The following BSPH1 variants were observed in gnomAD, a reference collection of about 807,000 sequenced individuals.
The protein encoded by BSPH1 is binder of sperm 1.
BSPH1 carries 21 observed loss-of-function variants against 22.5 expected under a neutral mutation model. That is an observed-to-expected ratio of 0.93 (90% CI 0.66 to 1.35). The LOEUF is 1.35. Ranked by LOEUF, BSPH1 falls within the 40% of genes most tolerant of loss-of-function variation. BSPH1 has a pLI of 0.00. For missense variants in BSPH1, 141 were observed against 154.2 expected, an observed-to-expected ratio of 0.91 and a Z score of 0.45; for synonymous variants, 42 against 53.6, an observed-to-expected ratio of 0.78 and a Z score of 0.95.
At chr19:47,977,955 T>C (rs1969381599) in intron 3 of BSPH1, among the ~76,000 whole-genome samples, 1 of 147,620 alleles carries the variant, frequency 6.8e-6, no homozygotes, top group South Asian at 2.1e-4. Context: ...TATATATACT[T>C]ATATATGTTA....
At chr19:47,974,067 A>G (rs1969336731) in intron 5 of BSPH1, among the ~76,000 whole-genome samples, 1 of 152,038 alleles carries the variant, frequency 6.6e-6, no homozygotes, top group African/African-American at 2.4e-5. Flanking sequence ...CATGTTCCCC[A>G]GCCATGCTGA....
At position 47,992,053 on chromosome 19, in the gene BSPH1, T is replaced by C; in HGVS notation, c.29A>G (p.Glu10Gly). Residue 10 changes from glutamate to glycine, a missense_variant, in exon 1 of 6, where the codon GAA becomes GGA. By Grantham distance (98) the Glu-to-Gly change is moderately conservative. Transcript: ENST00000344839. ...GCAAGCTGAGGAATTTCGCGTCGTT[T>C]CCACGAAGAGAAGCATCAGGGAGCC... MGSLMLLFV[E>G]TTRNSSACIF... The C allele has an allele frequency of 6.4e-7, 1 of 1,551,416 alleles. No individual in the cohort carries two copies. The highest frequency in any genetic ancestry group is 8.7e-7 in the Non-Finnish European group (1 of 1,146,724).
At chr19:47,989,110 TTTATTATTATTATTATTA>T (rs199985003) in intron 1 of BSPH1, among the ~76,000 whole-genome samples, 13,820 of 138,288 alleles carry the variant, frequency 0.1, 909 homozygotes, top group East Asian at 0.34. Context: ...AAGTCACCGT[TTTATTATTATTATTATTA>T]TTATTATTAT....
chr19:47,991,195 GCGCCGACCACAC>G (rs1294958976), intron 1 of BSPH1, among the ~76,000 whole-genome samples: 4 of 152,048 alleles, frequency 2.6e-5, no homozygotes, highest in Non-Finnish European at 5.9e-5. Context: ...GTTAAATACA[GCGCCGACCACAC>G]CACCGACCAC....
At chr19:47,985,725 C>A (rs970639095) in intron 1 of BSPH1, among the ~76,000 whole-genome samples, 1 of 151,836 alleles carries the variant, frequency 6.6e-6, no homozygotes, top group African/African-American at 2.4e-5. Context: ...ATCCCAGCTA[C>A]TGAGGCAGCT....
chr19:47,975,924 G>A (rs1217037503), intron 5 of BSPH1, among the ~76,000 whole-genome samples: 1 of 152,112 alleles, frequency 6.6e-6, no homozygotes, highest in African/African-American at 2.4e-5. Context: ...CAAAGTGCTG[G>A]GATTACAGGC....
intron 5 of BSPH1, 37 bp downstream of exon 5, chr19:47,976,673 T>C (rs1436973848): frequency 1.3e-6 from 2 of 1,533,254 alleles, no homozygotes; most frequent in African/African-American, 1.4e-5. Flanking sequence ...AGGAGAATGA[T>C]TAAACGTCTT....
At chr19:47,991,824 TCTCTTCCTCCTCTTCC>T (rs1966875468) in intron 1 of BSPH1, among the ~76,000 whole-genome samples, 169 bp downstream of exon 1, 1 of 68,606 alleles carries the variant, frequency 1.5e-5, no homozygotes, top group South Asian at 5.8e-4. Flanking sequence ...TCCTCCTTCC[TCTCTTCCTCCTCTTCC>T]CTCTTCCACC....
chr19:47,973,943 C>A (rs564962216), intron 5 of BSPH1, among the ~76,000 whole-genome samples: 135 of 152,298 alleles, frequency 8.9e-4, no homozygotes, highest in African/African-American at 3.2e-3. Context: ...TTCTCCCACA[C>A]CCACCAAACA....
rs569601309 is a variant in BSPH1 at position 47,984,981 on chromosome 19, C to T, written c.74-4040G>A. 4.0e-5 allele frequency among the ~76,000 whole-genome samples: 6 copies of T among 150,072 alleles called. 1 individual carries two copies. The highest frequency in any genetic ancestry group is 1.2e-4 in the African/African-American group (5 of 40,720). ...ACTCAGGAGGCTGAGGCAGGAGAAT[C>T]GCTTGAACCTGGGAGGCAGAGGTTG... On this transcript the variant is annotated intron_variant, in intron 1 of 5. Transcript: ENST00000344839.
chr19:47,991,669 C>T lies in BSPH1; in HGVS notation c.73+340G>A, dbSNP rs1233447983. ...CCTCCTCCTCCGTCTGCTCCTCCTCCCCCTCCTCCTCTTCCTTCTCTTTCT... is the reference window on the plus strand; with the variant it reads ...CCTCCTCCTCCGTCTGCTCCTCCTCTCCCTCCTCCTCTTCCTTCTCTTTCT... On this transcript the variant is annotated intron_variant, in intron 1 of 5. Transcript: ENST00000344839. Among the ~76,000 whole-genome samples, 8 of 112,354 alleles carry T rather than the reference C, an allele frequency of 7.1e-5. 1 individual carries two copies. The highest frequency in any genetic ancestry group is 2.6e-4 in the African/African-American group (8 of 30,964). 73.7% of individuals were successfully genotyped at this position (112,354 alleles called of 152,430 possible). A position where few individuals can be genotyped will look rare whatever the true frequency, so the allele number is the denominator to read the frequency against.
chr19:47,988,516 G>C (rs1490284743), intron 1 of BSPH1, among the ~76,000 whole-genome samples: 3 of 152,212 alleles, frequency 2.0e-5, no homozygotes, highest in African/African-American at 7.2e-5. Flanking sequence ...GAGTGGGACA[G>C]AGGAGGCGAG....
At chr19:47,986,369 A>G (rs1420637431) in intron 1 of BSPH1, among the ~76,000 whole-genome samples, 6 of 152,198 alleles carry the variant, frequency 3.9e-5, no homozygotes. Flanking sequence ...CTTGGGTACC[A>G]AACCATGGGA....
intron 5 of BSPH1, among the ~76,000 whole-genome samples, chr19:47,975,232 T>C (rs1397203170): frequency 6.6e-6 from 1 of 152,212 alleles, no homozygotes; most frequent in East Asian, 1.9e-4. Flanking sequence ...GGTCTTGCTA[T>C]GTTGCCCAGG....
chr19:47,977,772 T>G, intron 3 of BSPH1: 2 of 675,070 alleles, frequency 3.0e-6, no homozygotes, highest in Non-Finnish European at 3.7e-6. Flanking sequence ...CAGAAATCTC[T>G]CCTAAGCGTA....
chr19:47,973,058 A>C lies in BSPH1; in HGVS notation c.*2+3652T>G, dbSNP rs542430157. 3.4e-3 allele frequency among the ~76,000 whole-genome samples: 518 copies of C among 151,830 alleles called. 3 individuals are homozygous for C. The highest frequency in any genetic ancestry group is 0.012 in the African/African-American group (500 of 41,460). On this transcript the variant is annotated intron_variant, in intron 5 of 5. Transcript: ENST00000344839. ...CGGTGAAACCCCGTCTCTTCTAAAA[A>C]TACAAAAAATTAGCCTGGCGTGGTG...
intron 1 of BSPH1, among the ~76,000 whole-genome samples, chr19:47,983,702 A>G (rs186651578): frequency 7.4e-4 from 113 of 152,326 alleles, no homozygotes; most frequent in African/African-American, 2.6e-3. Flanking sequence ...TGCAAGTACA[A>G]TGCAACTGCA....
intron 5 of BSPH1, among the ~76,000 whole-genome samples, chr19:47,971,726 T>C (rs1233878865): frequency 1.3e-5 from 2 of 152,072 alleles, no homozygotes; most frequent in Admixed American, 6.6e-5. Flanking sequence ...CCTACCAATC[T>C]GAAACAGACT....
intron 5 of BSPH1, among the ~76,000 whole-genome samples, chr19:47,968,773 C>T (rs553986254): frequency 6.2e-4 from 91 of 146,966 alleles, no homozygotes; most frequent in African/African-American, 2.2e-3. Context: ...CTGAGGTGGG[C>T]GGATTGTCTG....
Sources: allele counts gnomAD v4.1 joint callset (sites outside exome capture counted in the v4.1 genomes callset), GRCh38; gene constraint gnomAD v4.1.1; transcripts MANE v1.5; gene names NCBI Gene and HGNC (gene_info 2026-07-23, HGNC 2026-07-21).